Variants in EEF2KMT observed in about 807,000 individuals in gnomAD.
The protein encoded by EEF2KMT is eukaryotic elongation factor 2 lysine methyltransferase.
Under a neutral mutation model 35.1 loss-of-function variants are expected in EEF2KMT, and 30 were observed. That is an observed-to-expected ratio of 0.85 (90% confidence interval 0.64 to 1.16). EEF2KMT has a LOEUF of 1.16. Among genes scored for constraint, EEF2KMT ranks in the 50% most tolerant of loss-of-function variants. The pLI, the probability that EEF2KMT is intolerant of heterozygous loss-of-function variation, is 0.00. For synonymous variants in EEF2KMT, 190 were observed against 187.7 expected (o/e 1.01, Z -0.10); for missense variants, 499 against 438.2 (o/e 1.14, Z -1.24).
chr16:5,088,729 A>G (rs1162341082), intron 7 of EEF2KMT, among the ~76,000 whole-genome samples: 2 of 151,962 alleles, frequency 1.3e-5, no homozygotes, highest in East Asian at 3.9e-4. Flanking sequence ...GGCGTGGTGG[A>G]TCCGCCTGTA....
At chr16:5,091,322 T>TC (rs1428035751) in intron 4 of EEF2KMT, among the ~76,000 whole-genome samples, 1 of 152,044 alleles carries the variant, frequency 6.6e-6, no homozygotes, top group Non-Finnish European at 1.5e-5. Flanking sequence ...CCTCAGGTGA[T>TC]CCCCCCGCCT....
intron 1 of EEF2KMT, chr16:5,097,213 G>A (rs1957489198): frequency 1.1e-5 from 12 of 1,090,464 alleles, no homozygotes; most frequent in Non-Finnish European, 1.5e-5. Context: ...TCAACATACA[G>A]ATGAGAATAC....
At chr16:5,091,037 C>T (rs1403173829) in intron 4 of EEF2KMT, among the ~76,000 whole-genome samples, 1 of 152,170 alleles carries the variant, frequency 6.6e-6, no homozygotes, top group Non-Finnish European at 1.5e-5. Context: ...GCCTCAGCCG[C>T]CCAGGTAGCT....
chr16:5,089,749 ACAC>A, intron 6 of EEF2KMT, among the ~76,000 whole-genome samples: 1 of 152,162 alleles, frequency 6.6e-6, no homozygotes, highest in South Asian at 2.1e-4. Context: ...GCCCAGCCAA[ACAC>A]CACCTTCTCT....
intron 6 of EEF2KMT, among the ~76,000 whole-genome samples, chr16:5,089,647 G>T (rs1236517111): frequency 6.6e-6 from 1 of 152,304 alleles, no homozygotes; most frequent in East Asian, 1.9e-4. Context: ...TGGACCTGTG[G>T]GTTTCAGGGC....
rs113088521 is a variant in EEF2KMT at position 5,093,354 on chromosome 16, C to G, written c.240+130G>C. 8.3e-5 allele frequency: 118 copies of G among 1,420,344 alleles called. No homozygotes were observed. In the African/African-American group the frequency reaches 1.1e-3, roughly 14 times the overall value. 88.0% of individuals were successfully genotyped at this position (1,420,344 alleles called of 1,614,324 possible). A position where few individuals can be genotyped will look rare whatever the true frequency, so the allele number is the denominator to read the frequency against. On this transcript the variant is annotated intron_variant, in intron 3 of 7. Transcript: ENST00000427587. The stretch of plus-strand genomic sequence containing the variant: ...TCCCATGGGTCACATGTGGCTGCAG[C>G]CAGTTGCCTGGGGAGGCCCCTGCCA...
chr16:5,095,650 G>C, intron 1 of EEF2KMT, 136 bp from the exon 2 acceptor site: 1 of 1,391,468 alleles, frequency 7.2e-7, no homozygotes, highest in East Asian at 2.3e-5. Flanking sequence ...AGCCACAGCG[G>C]CTGAAAGCCT....
intron 1 of EEF2KMT, 95 bp from the exon 2 acceptor site, chr16:5,095,609 C>T: frequency 1.3e-6 from 2 of 1,581,572 alleles, no homozygotes; most frequent in Non-Finnish European, 1.7e-6. Flanking sequence ...TGTGATCCCT[C>T]CCTGGGGACG....
chr16:5,097,709 G>C lies in EEF2KMT; in HGVS notation c.31C>G (p.Leu11Val). The C allele has an allele frequency of 6.3e-7, 1 of 1,577,620 alleles. No individual in the cohort carries two copies. The highest frequency in any genetic ancestry group is 1.1e-5 in the South Asian group (1 of 86,990). Residue 11 changes from leucine (L) to valine (V), a missense_variant, in exon 1 of 8, where the codon CTC becomes GTC. Leu to Val is a conservative substitution (Grantham distance 32). Coordinates refer to ENST00000427587, the MANE Select transcript of EEF2KMT (RefSeq NM_201400.4). ...CGGCGCTCGAAACTCTGCAGCAAGA[G>C]TTCGGTCCCCGCGTTCTCCTCGGGC... Reference protein sequence around the residue: MAPEENAGTELLLQSFERRFL... With the variant: MAPEENAGTEVLLQSFERRFL...
At chr16:5,096,551 G>GTT (rs1228697768) in intron 1 of EEF2KMT, among the ~76,000 whole-genome samples, 2 of 152,218 alleles carry the variant, frequency 1.3e-5, no homozygotes, top group Non-Finnish European at 2.9e-5. Context: ...ACCCTAAGAG[G>GTT]TAGGTATCAT....
chr16:5,084,884 C>A lies in EEF2KMT; in HGVS notation c.*748G>T. 6.3e-7 allele frequency: 1 copy of A among 1,588,174 alleles called. No individual in the cohort carries two copies. The highest frequency in any genetic ancestry group is 2.2e-5 in the East Asian group (1 of 44,650). On this transcript the variant is annotated 3_prime_UTR_variant, in exon 8 of 8. Transcript: ENST00000427587. ...TCCCTTTGGTTATGGACACATAACT[C>A]CTGGGCCAGAGGCTAAAACCCCAGG...
At chr16:5,092,459 C>T (rs1247947381) in intron 3 of EEF2KMT, among the ~76,000 whole-genome samples, 1 of 152,224 alleles carries the variant, frequency 6.6e-6, no homozygotes, top group Non-Finnish European at 1.5e-5. Flanking sequence ...TGGGTGACTG[C>T]TGCCCTCTCC....
At position 5,089,261 on chromosome 16, in the gene EEF2KMT, G is replaced by C; in HGVS notation, c.743-5C>G. 6.2e-7 allele frequency: 1 copy of C among 1,602,884 alleles called. No individual in the cohort carries two copies. Among genetic ancestry groups the C allele is most frequent in the Non-Finnish European group, 8.5e-7 (1 of 1,179,778 alleles). On this transcript the variant is annotated splice_region_variant and splice_polypyrimidine_tract_variant and intron_variant, in intron 6 of 7. Coordinates refer to ENST00000427587, the MANE Select transcript of EEF2KMT (RefSeq NM_201400.4). ...CTTCTGGGCAATACAGCACATCTAT[G>C]GTGAAAGCTTCAGGTTACTGAAAGG...
chr16:5,085,882 C>T, intron 7 of EEF2KMT, 150 bp from the exon 8 acceptor site: 1 of 694,840 alleles, frequency 1.4e-6, no homozygotes, highest in Non-Finnish European at 2.6e-6. Flanking sequence ...CACCCAGGTG[C>T]CTAGAATTGG....
In EEF2KMT at chr16:5,084,362, G is replaced by T. The variant is rs951469634; in HGVS notation, c.*1270C>A. On this transcript the variant is annotated 3_prime_UTR_variant, in exon 8 of 8. Coordinates refer to ENST00000427587, the MANE Select transcript of EEF2KMT (RefSeq NM_201400.4). The stretch of plus-strand genomic sequence containing the variant: ...GCTGTGGGCTGGATTTGGCCTGCAG[G>T]CTGTAGTTTGTGATCCTTGATTCAG... 7.4e-5 allele frequency: 30 copies of T among 402,758 alleles called. No homozygotes were observed. The highest frequency in any genetic ancestry group is 6.1e-4 in the African/African-American group (30 of 49,028). The allele number at this position is 402,758 out of a possible 1,614,324, so 24.9% of individuals were successfully genotyped here. A position where few individuals can be genotyped will look rare whatever the true frequency, so the allele number is the denominator to read the frequency against.
At chr16:5,095,366 C>T (rs1174866655) in intron 2 of EEF2KMT, 86 bp downstream of exon 2, 7 of 1,601,070 alleles carry the variant, frequency 4.4e-6, no homozygotes, top group African/African-American at 4.0e-5. Flanking sequence ...TTAAAGGGTA[C>T]AAGCACACCT....
Position 5,085,288 on chromosome 16 carries a change from G to A in EEF2KMT, c.*344C>T. On this transcript the variant is annotated 3_prime_UTR_variant, in exon 8 of 8. Coordinates refer to ENST00000427587, the MANE Select transcript of EEF2KMT (RefSeq NM_201400.4). ...TAAGCCCAGGGATGTGGCAGCTGCA[G>A]TGGGCTTGGCTTTGTGAGGAACTGA... is the stretch of plus-strand genomic sequence containing the variant. 3 of 491,936 alleles carry A rather than the reference G, an allele frequency of 6.1e-6. No individual in the cohort carries two copies. The highest frequency in any genetic ancestry group is 1.1e-5 in the Non-Finnish European group (3 of 269,856). 30.5% of individuals were successfully genotyped at this position (491,936 alleles called of 1,614,324 possible). A position where few individuals can be genotyped will look rare whatever the true frequency, so the allele number is the denominator to read the frequency against.
intron 1 of EEF2KMT, chr16:5,097,286 T>G (rs1314182101): frequency 7.5e-7 from 1 of 1,333,348 alleles, no homozygotes; most frequent in Non-Finnish European, 9.8e-7. Context: ...TTACCTGCGG[T>G]CCTGACGGCG....
Position 5,085,039 on chromosome 16 carries a change from C to T in EEF2KMT, c.*593G>A. 7.2e-7 allele frequency: 1 copy of T among 1,387,428 alleles called. No individual in the cohort carries two copies. The allele number at this position is 1,387,428 out of a possible 1,614,324, so 85.9% of individuals were successfully genotyped here. ...CTGGTAAAAGAATTGGTTCTGTGAC[C>T]CGGGAAGCTTTGGTTGGCCTTGATT... On this transcript the variant is annotated 3_prime_UTR_variant, in exon 8 of 8. Transcript: ENST00000427587.
Sources: gnomAD v4.1 joint callset for allele counts (sites outside exome capture counted in the v4.1 genomes callset) on GRCh38, gnomAD v4.1.1 for gene constraint, MANE v1.5 for transcripts, NCBI Gene and HGNC (gene_info 2026-07-23, HGNC 2026-07-21) for gene names.